Variants in MTX2 observed in about 807,000 individuals in gnomAD.
MTX2 encodes the protein metaxin 2.
MTX2 carries 35 observed loss-of-function variants against 42.3 expected under a neutral mutation model. The ratio of observed to expected loss-of-function variants is 0.83; its 90% CI spans 0.63 to 1.10. The LOEUF (loss-of-function observed/expected upper bound fraction) is 1.10. MTX2 is among the 50% of genes least tolerant of loss of function. The pLI is 0.00. For synonymous variants in MTX2, 119 were observed against 100.9 expected (o/e 1.18, Z -1.08); for missense variants, 307 against 304.1 (o/e 1.01, Z -0.07).
At chr2:176,307,276 T>G (rs1684176353) in intron 3 of MTX2, among the ~76,000 whole-genome samples, 1 of 152,230 alleles carries the variant, frequency 6.6e-6, no homozygotes. Context: ...TATCTGTGTT[T>G]TGGTACCAGT....
intron 1 of MTX2, among the ~76,000 whole-genome samples, chr2:176,274,712 GTC>G (rs1692905359): frequency 6.6e-6 from 1 of 152,314 alleles, no homozygotes; most frequent in African/African-American, 2.4e-5. Context: ...TACCTGGAGT[GTC>G]TGATCCCAGG....
At chr2:176,326,418 A>G (rs1684707838) in intron 4 of MTX2, among the ~76,000 whole-genome samples, 2 of 151,722 alleles carry the variant, frequency 1.3e-5, no homozygotes, top group African/African-American at 2.4e-5. Context: ...TACAATATAG[A>G]TTGATTCACT....
At chr2:176,316,550 C>T (rs887108086) in intron 3 of MTX2, among the ~76,000 whole-genome samples, 1 of 151,936 alleles carries the variant, frequency 6.6e-6, no homozygotes, top group Non-Finnish European at 1.5e-5. Flanking sequence ...TACAGGCACA[C>T]ACCATCATGC....
chr2:176,270,077 A>C (rs1692763392), intron 1 of MTX2: 1 of 319,508 alleles, frequency 3.1e-6, no homozygotes, highest in Non-Finnish European at 5.8e-6. Flanking sequence ...GACTGTCACT[A>C]ATCAGTTGTT....
At chr2:176,322,109 A>C (rs571904329) in intron 3 of MTX2, among the ~76,000 whole-genome samples, 1 of 152,276 alleles carries the variant, frequency 6.6e-6, no homozygotes, top group African/African-American at 2.4e-5. Flanking sequence ...TAGTGGGGGA[A>C]TCAGACTCAC....
intron 5 of MTX2, among the ~76,000 whole-genome samples, chr2:176,327,573 A>AT (rs1429871325): frequency 9.2e-5 from 11 of 119,174 alleles, no homozygotes; most frequent in African/African-American, 2.0e-4. Flanking sequence ...ATATATATAT[A>AT]TTATTTTTTT....
Position 176,297,896 on chromosome 2 carries a change from G to T in MTX2, c.135+1G>T. The T allele has an allele frequency of 6.4e-7, 1 of 1,551,132 alleles. No individual in the cohort carries two copies. The highest frequency in any genetic ancestry group is 8.7e-7 in the Non-Finnish European group (1 of 1,144,404). ...CAATGCAGCTTCTCTTGCAGTGCAG[G>T]TAAATATGTAAATAATGTAATATCT... is the stretch of plus-strand genomic sequence containing the variant. On this transcript the variant is annotated splice_donor_variant, in intron 3 of 9. Transcript: ENST00000249442. LOFTEE classifies it high-confidence loss of function.
intron 2 of MTX2, among the ~76,000 whole-genome samples, chr2:176,297,588 T>C (rs1683919744): frequency 6.6e-6 from 1 of 152,138 alleles, no homozygotes; most frequent in South Asian, 2.1e-4. Flanking sequence ...TCTTGAAAAC[T>C]TGAAAAATGA....
intron 1 of MTX2, among the ~76,000 whole-genome samples, chr2:176,272,686 A>G (rs909650476): frequency 6.6e-6 from 1 of 152,126 alleles, no homozygotes; most frequent in Non-Finnish European, 1.5e-5. Context: ...ATTTTGTATG[A>G]ACTCATGAAA....
At chr2:176,275,980 T>C (rs1049513331) in intron 1 of MTX2, among the ~76,000 whole-genome samples, 1 of 152,272 alleles carries the variant, frequency 6.6e-6, no homozygotes, top group African/African-American at 2.4e-5. Context: ...AGGTCTAACC[T>C]GGGTTCTTAT....
intron 3 of MTX2, among the ~76,000 whole-genome samples, chr2:176,309,423 C>G (rs916975263): frequency 6.6e-5 from 10 of 152,178 alleles, no homozygotes; most frequent in African/African-American, 1.9e-4. Flanking sequence ...TGTTGCAGAG[C>G]TGAGTTCAGG....
intron 9 of MTX2, among the ~76,000 whole-genome samples, chr2:176,335,517 T>C (rs1232080286): frequency 6.6e-6 from 1 of 152,056 alleles, no homozygotes; most frequent in East Asian, 1.9e-4. Flanking sequence ...TAAGACACTT[T>C]AGGAGGCTAT....
chr2:176,323,169 T>G, intron 3 of MTX2, among the ~76,000 whole-genome samples: 1 of 151,894 alleles, frequency 6.6e-6, no homozygotes, highest in South Asian at 2.1e-4. Flanking sequence ...CATACATACT[T>G]TAAGTTTCAT....
chr2:176,312,611 C>T (rs1684341425), intron 3 of MTX2, among the ~76,000 whole-genome samples: 1 of 152,038 alleles, frequency 6.6e-6, no homozygotes, highest in Admixed American at 6.5e-5. Flanking sequence ...CGCCTGTAAT[C>T]CCAGCACTTT....
intron 1 of MTX2, among the ~76,000 whole-genome samples, chr2:176,289,796 T>C (rs1693288097): frequency 6.6e-6 from 1 of 152,088 alleles, no homozygotes; most frequent in Non-Finnish European, 1.5e-5. Context: ...AGAACTCTTA[T>C]AATGAAGATA....
At chr2:176,307,820 A>G (rs1684190172) in intron 3 of MTX2, among the ~76,000 whole-genome samples, 3 of 152,056 alleles carry the variant, frequency 2.0e-5, no homozygotes, top group Admixed American at 2.0e-4. Context: ...GGGTTTTCTA[A>G]ATATACAATC....
At chr2:176,272,185 G>A (rs1377189032) in intron 1 of MTX2, among the ~76,000 whole-genome samples, 1 of 152,120 alleles carries the variant, frequency 6.6e-6, no homozygotes, top group Admixed American at 6.6e-5. Context: ...TCTTTTTGGG[G>A]AAATCTAAGA....
chr2:176,270,686 G>T (rs1381304035), intron 1 of MTX2, among the ~76,000 whole-genome samples: 1 of 152,142 alleles, frequency 6.6e-6, no homozygotes, highest in Non-Finnish European at 1.5e-5. Flanking sequence ...TCACTGCTTT[G>T]CGTTTGTGTG....
At chr2:176,314,639 T>G (rs528947098) in intron 3 of MTX2, among the ~76,000 whole-genome samples, 17 of 152,272 alleles carry the variant, frequency 1.1e-4, no homozygotes, top group Middle Eastern at 3.4e-3. Context: ...GTTATTCTGT[T>G]TACCTGCTTT....
Sources: gnomAD v4.1 joint callset for allele counts (sites outside exome capture counted in the v4.1 genomes callset) on GRCh38, gnomAD v4.1.1 for gene constraint, MANE v1.5 for transcripts, NCBI Gene and HGNC (gene_info 2026-07-23, HGNC 2026-07-21) for gene names.